DTNA: variants seen among roughly 807,000 people sequenced by gnomAD.
DTNA encodes dystrophin-related protein 3.
In DTNA, 43 loss-of-function variants were observed where a neutral mutation model predicts 100.7. The ratio of observed to expected loss-of-function variants is 0.43; its 90% CI spans 0.33 to 0.55. The LOEUF is 0.55. DTNA is among the 20% of genes least tolerant of loss of function. The probability of loss-of-function intolerance (pLI) is 0.04; values close to 1 mark genes in which losing one functional copy is unlikely to be tolerated. For missense variants in DTNA, 798 were observed against 953.9 expected, an observed-to-expected ratio of 0.84 and a Z score of 2.15; for synonymous variants, 349 against 347.9, an observed-to-expected ratio of 1.00 and a Z score of -0.04.
At chr18:34,654,646 G>T (rs960609157) in intron 1 of DTNA, among the ~76,000 whole-genome samples, 4 of 152,106 alleles carry the variant, frequency 2.6e-5, no homozygotes, top group African/African-American at 9.7e-5. Flanking sequence ...GAATCCAAAT[G>T]CAGATTTTAT....
intron 6 of DTNA, 118 bp from the exon 7 acceptor site, chr18:34,815,791 A>G (rs2095583146): frequency 2.2e-6 from 2 of 902,484 alleles, no homozygotes; most frequent in Admixed American, 2.0e-5. Context: ...CTGTTTCTTC[A>G]GATATTAGAC....
chr18:34,831,762 C>T (rs917607763), intron 11 of DTNA, among the ~76,000 whole-genome samples: 1 of 152,072 alleles, frequency 6.6e-6, no homozygotes, highest in African/African-American at 2.4e-5. Context: ...GGGTGAAAAT[C>T]CATCTCAAAA....
At chr18:34,698,128 G>A (rs1054112539) in intron 1 of DTNA, among the ~76,000 whole-genome samples, 1 of 152,056 alleles carries the variant, frequency 6.6e-6, no homozygotes, top group African/African-American at 2.4e-5. Flanking sequence ...CACTCGTCCT[G>A]TGCCCAGTCA....
chr18:34,561,399 T>A (rs182285546), intron 1 of DTNA, among the ~76,000 whole-genome samples: 15 of 152,272 alleles, frequency 9.9e-5, no homozygotes, highest in Admixed American at 2.0e-4. Flanking sequence ...TTAAAACACG[T>A]GCTGTAGTGA....
intron 1 of DTNA, among the ~76,000 whole-genome samples, chr18:34,739,412 C>T (rs562523843): frequency 6.6e-6 from 1 of 152,316 alleles, no homozygotes; most frequent in Non-Finnish European, 1.5e-5. Context: ...ATTCAAAAGT[C>T]TCATTTGCTT....
chr18:34,884,895 CCTT>C, intron 22 of DTNA, 119 bp downstream of exon 22: 1 of 1,201,208 alleles, frequency 8.3e-7, no homozygotes, highest in South Asian at 1.2e-5. Flanking sequence ...AAAATACCCT[CCTT>C]AACTGCTGAT....
intron 1 of DTNA, among the ~76,000 whole-genome samples, chr18:34,607,554 T>TA (rs911913459): frequency 1.6e-4 from 24 of 152,280 alleles, no homozygotes; most frequent in African/African-American, 5.3e-4. Context: ...AATAAATATA[T>TA]AAAAAATGGA....
chr18:34,659,103 C>T (rs531262872), intron 1 of DTNA, among the ~76,000 whole-genome samples: 40 of 152,038 alleles, frequency 2.6e-4, no homozygotes, highest in African/African-American at 9.4e-4. Context: ...TGTGTGTGCA[C>T]GCATGTGTGT....
At chr18:34,864,246 T>C (rs978572986) in intron 17 of DTNA, among the ~76,000 whole-genome samples, 184 bp downstream of exon 17, 4 of 146,584 alleles carry the variant, frequency 2.7e-5, no homozygotes, top group Non-Finnish European at 6.1e-5. Flanking sequence ...ATAGAACACA[T>C]TCTTTTTTTT....
At chr18:34,725,411 A>T (rs1237051379) in intron 1 of DTNA, among the ~76,000 whole-genome samples, 1 of 150,076 alleles carries the variant, frequency 6.7e-6, no homozygotes, top group Non-Finnish European at 1.5e-5. Context: ...AAAAAAAAAA[A>T]ACAACCCCAT....
chr18:34,670,122 A>C (rs536002718), intron 1 of DTNA, among the ~76,000 whole-genome samples: 5 of 152,140 alleles, frequency 3.3e-5, no homozygotes, highest in South Asian at 4.2e-4. Flanking sequence ...GGCTTTGTTC[A>C]TTTCTTTTTA....
intron 11 of DTNA, among the ~76,000 whole-genome samples, chr18:34,830,754 A>T (rs955318228): frequency 6.6e-6 from 1 of 152,212 alleles, no homozygotes; most frequent in Non-Finnish European, 1.5e-5. Flanking sequence ...TGTGGGTCAT[A>T]TAACATAATT....
chr18:34,648,671 G>A (rs2060121005), intron 1 of DTNA, among the ~76,000 whole-genome samples: 1 of 152,154 alleles, frequency 6.6e-6, no homozygotes, highest in Non-Finnish European at 1.5e-5. Flanking sequence ...TAGAAGCTTT[G>A]TTCCGACTCT....
intron 1 of DTNA, among the ~76,000 whole-genome samples, chr18:34,542,343 AT>A (rs1234566126): frequency 1.3e-5 from 2 of 152,036 alleles, no homozygotes; most frequent in East Asian, 3.9e-4. Flanking sequence ...TATATTGTTA[AT>A]ATTTCCTAGC....
chr18:34,760,241 A>G (rs947719987), intron 2 of DTNA, among the ~76,000 whole-genome samples: 3 of 152,074 alleles, frequency 2.0e-5, no homozygotes, highest in Non-Finnish European at 2.9e-5. Context: ...ATGGATCGCC[A>G]CCCCAGAAAT....
At chr18:34,871,139 A>T (rs558842565) in intron 17 of DTNA, among the ~76,000 whole-genome samples, 1 of 152,276 alleles carries the variant, frequency 6.6e-6, no homozygotes, top group Non-Finnish European at 1.5e-5. Context: ...TCTAGCGGGG[A>T]GGGGGATATA....
chr18:34,727,976 T>C (rs1368182932), intron 1 of DTNA, among the ~76,000 whole-genome samples: 2 of 152,226 alleles, frequency 1.3e-5, no homozygotes, highest in African/African-American at 4.8e-5. Context: ...CAAAAAATGA[T>C]AGAAATAAAG....
At chr18:34,601,141 ACAG>A (rs1472865043) in intron 1 of DTNA, among the ~76,000 whole-genome samples, 3 of 152,234 alleles carry the variant, frequency 2.0e-5, no homozygotes, top group Non-Finnish European at 4.4e-5. Context: ...GTGGCAGTGT[ACAG>A]CAGCAGCAGA....
intron 1 of DTNA, among the ~76,000 whole-genome samples, chr18:34,660,866 A>G (rs888083391): frequency 1.3e-5 from 2 of 152,072 alleles, no homozygotes; most frequent in Non-Finnish European, 2.9e-5. Flanking sequence ...ACCAGTGTAC[A>G]TCTTACATGT....
Sources: gnomAD v4.1 joint callset for allele counts (sites outside exome capture counted in the v4.1 genomes callset) on GRCh38, gnomAD v4.1.1 for gene constraint, MANE v1.5 for transcripts, NCBI Gene and HGNC (gene_info 2026-07-23, HGNC 2026-07-21) for gene names.